Variants in UTS2 observed in about 807,000 individuals in gnomAD.
The protein encoded by UTS2 is urotensin-2.
A neutral mutation model predicts 12.6 loss-of-function variants in UTS2; 10 were observed. The ratio of observed to expected loss-of-function variants is 0.80; its 90% CI spans 0.49 to 1.35. The LOEUF (loss-of-function observed/expected upper bound fraction) is 1.35, where lower values mean the gene tolerates loss of function less well. UTS2 is among the 40% of genes most tolerant of loss of function. The pLI is 0.00. For synonymous variants in UTS2, 52 were observed against 50.0 expected (o/e 1.04, Z -0.17); for missense variants, 142 against 143.2 (o/e 0.99, Z 0.04).
At chr1:7,851,178 G>A (rs1017840609) in intron 1 of UTS2, among the ~76,000 whole-genome samples, 4 of 152,200 alleles carry the variant, frequency 2.6e-5, no homozygotes, top group African/African-American at 7.2e-5. Flanking sequence ...CGGCTGCCTC[G>A]AACAAGAGCT....
At chr1:7,904,151 T>A in the UTS2 span, among the ~76,000 whole-genome samples, 1 of 152,090 alleles carries the variant, frequency 6.6e-6, no homozygotes, top group African/African-American at 2.4e-5. Flanking sequence ...TATAAATTTT[T>A]ATCTTATACC....
chr1:7,891,692 A>G, the UTS2 span, among the ~76,000 whole-genome samples: 1 of 152,228 alleles, frequency 6.6e-6, no homozygotes, highest in East Asian at 1.9e-4. Context: ...CAGCCATTCC[A>G]CAATGTATAG....
the UTS2 span, among the ~76,000 whole-genome samples, chr1:7,863,051 TTGTATTG>T: frequency 3.6e-4 from 21 of 57,838 alleles, 1 homozygote; most frequent in African/African-American, 1.3e-3. Flanking sequence ...TTGTATTGTA[TTGTATTG>T]TATTGTATTG....
the UTS2 span, among the ~76,000 whole-genome samples, chr1:7,877,826 T>C: frequency 3.8e-4 from 58 of 152,136 alleles, 1 homozygote; most frequent in African/African-American, 1.3e-3. Flanking sequence ...TGAGCTGAGA[T>C]TGTGCCACTG....
At position 7,849,686 on chromosome 1, in the gene UTS2, G is replaced by GA. The variant is rs2097411900; in HGVS notation, c.215-4dup. On this transcript the variant is annotated splice_region_variant and splice_polypyrimidine_tract_variant and intron_variant, in intron 2 of 3. Transcript: ENST00000361696. Reference sequence around the variant, plus strand: ...GTTAAAAATGTTGGTACTTGAGTCTGAAAAACAGTTTTGAAGCCAGTTCAT... The same window carrying GA: ...GTTAAAAATGTTGGTACTTGAGTCTGAAAAAACAGTTTTGAAGCCAGTTCAT... The GA allele has an allele frequency of 6.2e-7, 1 of 1,608,312 alleles. No individual in the cohort carries two copies.
At chr1:7,879,164 A>G in the UTS2 span, among the ~76,000 whole-genome samples, 1 of 152,214 alleles carries the variant, frequency 6.6e-6, no homozygotes, top group Non-Finnish European at 1.5e-5. Context: ...AAATGAACCT[A>G]ACAGACATTT....
At chr1:7,904,412 G>C in the UTS2 span, among the ~76,000 whole-genome samples, 1 of 151,906 alleles carries the variant, frequency 6.6e-6, no homozygotes, top group African/African-American at 2.4e-5. Flanking sequence ...GGGAGGTTGA[G>C]GCTGCAATAA....
At chr1:7,880,910 G>A in the UTS2 span, among the ~76,000 whole-genome samples, 4 of 152,110 alleles carry the variant, frequency 2.6e-5, no homozygotes, top group African/African-American at 9.7e-5. Context: ...CAAAATACTA[G>A]CAAACTCAAT....
upstream of UTS2, among the ~76,000 whole-genome samples, chr1:7,854,534 AAG>A: frequency 4.8e-5 from 1 of 20,888 alleles, no homozygotes; most frequent in East Asian, 1.7e-3. Flanking sequence ...AAAAAGAAGA[AAG>A]AAAAGTGGTT....
intron 2 of UTS2, 82 bp from the exon 3 acceptor site, chr1:7,849,765 C>T: frequency 1.6e-6 from 2 of 1,242,238 alleles, no homozygotes; most frequent in Non-Finnish European, 2.2e-6. Context: ...AATAATATTA[C>T]TAAATTATGT....
At chr1:7,897,551 T>G in the UTS2 span, among the ~76,000 whole-genome samples, 1 of 152,126 alleles carries the variant, frequency 6.6e-6, no homozygotes. Flanking sequence ...GTCTCTCCAT[T>G]TTTTAGGTCT....
chr1:7,898,809 A>C, the UTS2 span, among the ~76,000 whole-genome samples: 3 of 152,116 alleles, frequency 2.0e-5, no homozygotes, highest in Admixed American at 1.3e-4. Flanking sequence ...AGATACTTTC[A>C]TCAGTGCCTG....
At chr1:7,884,770 C>A in the UTS2 span, among the ~76,000 whole-genome samples, 961 of 152,162 alleles carry the variant, frequency 6.3e-3, 8 homozygotes, top group South Asian at 0.012. Context: ...ATCCATCCAC[C>A]CATTTTATCT....
chr1:7,891,398 C>T, the UTS2 span, among the ~76,000 whole-genome samples: 2 of 151,870 alleles, frequency 1.3e-5, no homozygotes, highest in Non-Finnish European at 2.9e-5. Flanking sequence ...TGGTGGTGGG[C>T]GCTTGTAATC....
upstream of UTS2, among the ~76,000 whole-genome samples, chr1:7,855,591 C>A (rs1399953429): frequency 6.6e-6 from 1 of 152,028 alleles, no homozygotes; most frequent in Non-Finnish European, 1.5e-5. Context: ...AAAAGGACTT[C>A]AGGCTGGTCT....
the UTS2 span, among the ~76,000 whole-genome samples, chr1:7,906,399 CAAGAAAGAAAGAAAGAA>C: frequency 5.8e-5 from 6 of 102,782 alleles, no homozygotes; most frequent in Admixed American, 6.3e-4. Flanking sequence ...TATAGCACAG[CAAGAAAGAAAGAAAGAA>C]AAGAAAGAAA....
chr1:7,905,800 A>C, the UTS2 span, among the ~76,000 whole-genome samples: 1 of 152,156 alleles, frequency 6.6e-6, no homozygotes, highest in Non-Finnish European at 1.5e-5. Flanking sequence ...GTCAGCAGGA[A>C]TGTAGGGTTT....
the UTS2 span, among the ~76,000 whole-genome samples, chr1:7,863,760 AC>A: frequency 6.6e-6 from 1 of 152,134 alleles, no homozygotes; most frequent in South Asian, 2.1e-4. Flanking sequence ...CTGTGTAAGA[AC>A]CCCCCATCCC....
the UTS2 span, among the ~76,000 whole-genome samples, chr1:7,864,591 C>T: frequency 4.6e-5 from 7 of 152,208 alleles, no homozygotes; most frequent in African/African-American, 1.4e-4. Context: ...CTCTGCTCTG[C>T]GTGCCCAACA....
Sources: allele counts gnomAD v4.1 joint callset (sites outside exome capture counted in the v4.1 genomes callset), GRCh38; gene constraint gnomAD v4.1.1; transcripts MANE v1.5; gene names NCBI Gene and HGNC (gene_info 2026-07-23, HGNC 2026-07-21).